The following SATB1 variants were observed in gnomAD, a reference collection of about 807,000 sequenced individuals.
The protein encoded by SATB1 is DNA-binding protein SATB1.
A neutral mutation model predicts 86.9 loss-of-function variants in SATB1; 11 were observed. The observed-to-expected ratio is 0.13, with a 90% CI of 0.08 to 0.21. The LOEUF is 0.21. Ranked by LOEUF, SATB1 falls within the 10% of genes least tolerant of loss-of-function variation. The probability of loss-of-function intolerance (pLI) is 1.00; values close to 1 mark genes in which losing one functional copy is unlikely to be tolerated. For synonymous variants in SATB1, 357 were observed against 357.2 expected (o/e 1.00, Z 0.01); for missense variants, 551 against 937.6 (o/e 0.59, Z 5.39).
At chr3:18,439,640 T>G (rs1487306331), upstream of SATB1, among the ~76,000 whole-genome samples, 1 of 152,174 alleles carries the variant, frequency 6.6e-6, no homozygotes, top group African/African-American at 2.4e-5. Context: ...TGTAACAGAT[T>G]TGATTTATAT....
chr3:18,401,471 T>C (rs1479959043), intron 5 of SATB1, among the ~76,000 whole-genome samples: 1 of 151,936 alleles, frequency 6.6e-6, no homozygotes, highest in Admixed American at 6.6e-5. Flanking sequence ...TTATTCCAGT[T>C]CTCTCTCAGT....
At chr3:18,445,099 T>C (rs997238103) in intron 1 of SATB1, 2 of 546,988 alleles carry the variant, frequency 3.7e-6, no homozygotes, top group African/African-American at 4.6e-5. Context: ...CCGGGCACGC[T>C]GCGCCCGGGG....
intron 8 of SATB1, among the ~76,000 whole-genome samples, chr3:18,384,899 T>A (rs1311171102): frequency 2.6e-5 from 4 of 152,200 alleles, no homozygotes; most frequent in Admixed American, 2.6e-4. Flanking sequence ...TAAAGAAGCA[T>A]GACTTTTTTA....
chr3:18,420,948 G>C lies in SATB1; in HGVS notation c.20C>G (p.Ala7Gly), dbSNP rs143510005. The C allele has an allele frequency of 6.2e-7, 1 of 1,614,104 alleles. No homozygotes were observed. Among genetic ancestry groups the C allele is most frequent in the East Asian group, 2.2e-5 (1 of 44,880 alleles). ...TTCTGAATGTTCTTTCCCCTGAGTT[G>C]CCTCGTTCAAATGATCCATACTCAG... MDHLNE[A>G]TQGKEHSEMS... The change falls in exon 2 of 11, where the codon GCA becomes GGA. Residue 7 changes from alanine to glycine, a missense_variant. Ala to Gly is a moderately conservative substitution (Grantham distance 60). This residue lies in a region of SATB1 where 153 missense variants were observed against 258.1 expected (regional missense o/e 0.59). Coordinates refer to ENST00000338745, the MANE Select transcript of SATB1 (RefSeq NM_002971.6).
chr3:18,443,143 T>G (rs1013778024), upstream of SATB1, among the ~76,000 whole-genome samples: 1 of 152,242 alleles, frequency 6.6e-6, no homozygotes, highest in Admixed American at 6.5e-5. This position sits in a 1 kb window ranked among gnomAD's most constrained non-coding sequence, Gnocchi z 4.4. Flanking sequence ...CAACTAAGTT[T>G]CAACGGGATG....
chr3:18,423,754 A>T lies in SATB1; in HGVS notation c.-152T>A, dbSNP rs974451827. 8 of 151,420 alleles carry T rather than the reference A, an allele frequency of 5.3e-5. No individual in the cohort carries two copies. Among genetic ancestry groups the T allele is most frequent in the South Asian group, 2.1e-4 (1 of 4,806 alleles). 9.4% of individuals were successfully genotyped at this position (151,420 alleles called of 1,614,324 possible). On this transcript the variant is annotated 5_prime_UTR_variant, in exon 1 of 11. Transcript: ENST00000338745. ...TTTTTTTTTTAATTAAAAAAAAAAA[A>T]ATAAAAAAGCAGCAGACCTGAAGGC...
In SATB1 at chr3:18,346,418, T is replaced by C. The variant is rs905799349; in HGVS notation, c.*2752A>G. On this transcript the variant is annotated 3_prime_UTR_variant, in exon 11 of 11. Coordinates refer to ENST00000338745, the MANE Select transcript of SATB1 (RefSeq NM_002971.6). The stretch of plus-strand genomic sequence containing the variant: ...ACACAATGAAGCTTGTTAAAGGAAT[T>C]TTACCATAGCCACAGGTAACAAGAG... The C allele has an allele frequency of 6.6e-6, 1 of 152,068 alleles. No homozygotes were observed. Among genetic ancestry groups the C allele is most frequent in the African/African-American group, 2.4e-5 (1 of 41,418 alleles). The allele number at this position is 152,068 out of a possible 1,614,324, so 9.4% of individuals were successfully genotyped here.
upstream of SATB1, among the ~76,000 whole-genome samples, chr3:18,440,060 C>T (rs1319759944): frequency 1.3e-5 from 2 of 152,144 alleles, no homozygotes; most frequent in Admixed American, 6.5e-5. Flanking sequence ...TTAAACATTC[C>T]ATCTAAGACT....
In SATB1 at chr3:18,415,101, T is replaced by A. The variant is rs1300123262; in HGVS notation, c.639+10A>T. 1 of 1,612,372 alleles carries A rather than the reference T, an allele frequency of 6.2e-7. No homozygotes were observed. Among genetic ancestry groups the A allele is most frequent in the African/African-American group, 1.3e-5 (1 of 74,814 alleles). ...ATGTCTTATTATTTATTACATTCTATGCTAAGTACCTGTGAAAGGGGGCAC... is the reference window on the plus strand; with the variant it reads ...ATGTCTTATTATTTATTACATTCTAAGCTAAGTACCTGTGAAAGGGGGCAC... On this transcript the variant is annotated intron_variant, in intron 5 of 10. Coordinates refer to ENST00000338745, the MANE Select transcript of SATB1 (RefSeq NM_002971.6).
chr3:18,442,108 T>C (rs561352770), upstream of SATB1, among the ~76,000 whole-genome samples: 9 of 152,252 alleles, frequency 5.9e-5, no homozygotes, highest in Admixed American at 2.0e-4. Context: ...GAGGAATGCA[T>C]TGATTCTGGA....
chr3:18,371,548 A>G (rs189497876), intron 9 of SATB1, among the ~76,000 whole-genome samples: 3 of 152,198 alleles, frequency 2.0e-5, no homozygotes, highest in Non-Finnish European at 4.4e-5. Context: ...GAAAATTTCT[A>G]CATTAGATTC....
chr3:18,417,122 T>A, intron 2 of SATB1, 44 bp from the exon 3 acceptor site: 7 of 1,584,562 alleles, frequency 4.4e-6, no homozygotes, highest in Non-Finnish European at 6.0e-6. Context: ...CCAACAATCT[T>A]CAGAAATACA....
chr3:18,419,424 C>T (rs1698279016), intron 2 of SATB1, among the ~76,000 whole-genome samples: 1 of 152,144 alleles, frequency 6.6e-6, no homozygotes, highest in South Asian at 2.1e-4. Context: ...GGTTTATGAG[C>T]CTGTGTAAAC....
intron 9 of SATB1, among the ~76,000 whole-genome samples, chr3:18,361,588 C>A (rs1694908373): frequency 6.6e-6 from 1 of 152,090 alleles, no homozygotes. Flanking sequence ...TTATTTGAAG[C>A]ATAAATTGGT....
chr3:18,443,573 T>G (rs1221309811), upstream of SATB1, among the ~76,000 whole-genome samples: 1 of 152,192 alleles, frequency 6.6e-6, no homozygotes, highest in East Asian at 1.9e-4. This position sits in a 1 kb window ranked among gnomAD's most constrained non-coding sequence, Gnocchi z 4.4. Context: ...GAGATCCCTA[T>G]GCCCCTTTCC....
intron 8 of SATB1, among the ~76,000 whole-genome samples, chr3:18,379,862 C>T (rs1008659759): frequency 6.6e-5 from 10 of 152,122 alleles, no homozygotes; most frequent in African/African-American, 1.9e-4. Context: ...AAAGGTGGGG[C>T]CTCATCCGCC....
chr3:18,420,151 A>C (rs766919657), intron 2 of SATB1, among the ~76,000 whole-genome samples: 1 of 152,212 alleles, frequency 6.6e-6, no homozygotes. Context: ...TATTGGTAGA[A>C]AAAAGTCACA....
At chr3:18,353,804 TGAC>T (rs1232737906) in intron 9 of SATB1, among the ~76,000 whole-genome samples, 3 of 152,240 alleles carry the variant, frequency 2.0e-5, no homozygotes, top group Non-Finnish European at 4.4e-5. Flanking sequence ...CAGCTCATCG[TGAC>T]GACTGCTGTA....
chr3:18,360,302 C>T (rs1331784307), intron 9 of SATB1, among the ~76,000 whole-genome samples: 1 of 152,082 alleles, frequency 6.6e-6, no homozygotes, highest in Non-Finnish European at 1.5e-5. Context: ...ATTAGTCTTC[C>T]ACTTTCAAAC....
Sources: gnomAD v4.1 joint callset for allele counts (sites outside exome capture counted in the v4.1 genomes callset) on GRCh38, gnomAD v4.1.1 for gene constraint, gnomAD v4.1.1 regional missense constraint, Gnocchi (gnomAD v3.1) non-coding constraint, MANE v1.5 for transcripts, NCBI Gene and HGNC (gene_info 2026-07-23, HGNC 2026-07-21) for gene names.